Variants in GALNT1 observed in about 807,000 individuals in gnomAD.
The protein encoded by GALNT1 is GalNAc transferase 1.
A neutral mutation model predicts 65.7 loss-of-function variants in GALNT1; 17 were observed. The ratio of observed to expected loss-of-function variants is 0.26; its 90% CI spans 0.18 to 0.39. The LOEUF is 0.39. Among genes scored for constraint, GALNT1 ranks in the 10% least tolerant of loss-of-function variants. The pLI, the probability that GALNT1 is intolerant of heterozygous loss-of-function variation, is 1.00. For missense variants in GALNT1, 460 were observed against 672.8 expected (o/e 0.68, Z 3.50); for synonymous variants, 210 against 219.7 (o/e 0.96, Z 0.39).
In GALNT1 at chr18:35,710,526, G is replaced by A. The variant is rs11544002; in HGVS notation, c.*756G>A. The A allele has an allele frequency of 6.6e-6, 1 of 150,848 alleles. No individual in the cohort carries two copies. Among genetic ancestry groups the A allele is most frequent in the Admixed American group, 6.6e-5 (1 of 15,190 alleles). 9.3% of individuals were successfully genotyped at this position (150,848 alleles called of 1,614,324 possible). A position where few individuals can be genotyped will look rare whatever the true frequency, so the allele number is the denominator to read the frequency against. On this transcript the variant is annotated 3_prime_UTR_variant, in exon 12 of 12. Coordinates refer to ENST00000269195, the MANE Select transcript of GALNT1 (RefSeq NM_020474.4). The stretch of plus-strand genomic sequence containing the variant: ...TTAATTTCTCTCTACAGTTTTTTTT[G>A]TTTGGTTTGTGGGCTGTTGGAATTG...
At position 35,692,156 on chromosome 18, in the gene GALNT1, CAG is replaced by C. The variant is rs371477180; in HGVS notation, c.1160-22_1160-21del. 1.2e-4 allele frequency: 188 copies of C among 1,585,292 alleles called. 1 individual carries two copies. The East Asian group carries it at 1.8e-3, about 15-fold the overall frequency. On this transcript the variant is annotated intron_variant, in intron 8 of 11. Coordinates refer to ENST00000269195, the MANE Select transcript of GALNT1 (RefSeq NM_020474.4). ...GTTACCTAAAACAACACTAATAATTCAGAGTCAATTATTTCTTTCAACAGGTG... is the reference window on the plus strand; with the variant it reads ...GTTACCTAAAACAACACTAATAATTCAGTCAATTATTTCTTTCAACAGGTG...
chr18:35,703,434 C>G (rs1463415214), intron 10 of GALNT1, 75 bp from the exon 11 acceptor site: 7 of 1,347,464 alleles, frequency 5.2e-6, no homozygotes, highest in Non-Finnish European at 7.3e-6. Context: ...TGTATTTTCC[C>G]TGACAGCTAA....
chr18:35,634,421 G>A (rs1750401756), intron 1 of GALNT1, among the ~76,000 whole-genome samples: 1 of 152,132 alleles, frequency 6.6e-6, no homozygotes, highest in Non-Finnish European at 1.5e-5. Flanking sequence ...TTGGCTAGAA[G>A]GACTCACATG....
intron 1 of GALNT1, among the ~76,000 whole-genome samples, chr18:35,586,409 T>C (rs960657258): frequency 6.6e-6 from 1 of 152,238 alleles, no homozygotes; most frequent in East Asian, 1.9e-4. Flanking sequence ...TAAGGTCTTT[T>C]GCAGAGCAAA....
intron 4 of GALNT1, among the ~76,000 whole-genome samples, chr18:35,680,027 G>A (rs374044862): frequency 4.0e-5 from 6 of 151,794 alleles, no homozygotes; most frequent in Non-Finnish European, 7.4e-5. Flanking sequence ...TGATCATTTC[G>A]CTTCCATGCT....
At chr18:35,615,808 A>G (rs2046776867) in intron 1 of GALNT1, among the ~76,000 whole-genome samples, 1 of 152,228 alleles carries the variant, frequency 6.6e-6, no homozygotes, top group Non-Finnish European at 1.5e-5. Flanking sequence ...GGGAAATACA[A>G]ATTAAAGCTA....
At chr18:35,657,276 G>T (rs1473066581) in intron 2 of GALNT1, among the ~76,000 whole-genome samples, 1 of 152,018 alleles carries the variant, frequency 6.6e-6, no homozygotes, top group Non-Finnish European at 1.5e-5. Flanking sequence ...TTGTATTTTA[G>T]CAGAGATGGG....
chr18:35,625,606 A>G (rs2046907109), intron 1 of GALNT1, among the ~76,000 whole-genome samples: 1 of 152,204 alleles, frequency 6.6e-6, no homozygotes, highest in Non-Finnish European at 1.5e-5. Context: ...AACAAATAGA[A>G]TGATAATTGG....
intron 3 of GALNT1, among the ~76,000 whole-genome samples, chr18:35,672,969 T>G (rs1404055517): frequency 6.6e-6 from 1 of 152,118 alleles, no homozygotes; most frequent in Non-Finnish European, 1.5e-5. Flanking sequence ...AGTTAGTAAG[T>G]GACGCAAGTG....
At chr18:35,663,192 G>A (rs999248901) in intron 2 of GALNT1, among the ~76,000 whole-genome samples, 2 of 152,182 alleles carry the variant, frequency 1.3e-5, no homozygotes, top group African/African-American at 2.4e-5. Flanking sequence ...AGGCACGTTG[G>A]AAGGAAGGCA....
At chr18:35,644,983 TC>T (rs1413401331) in intron 1 of GALNT1, among the ~76,000 whole-genome samples, 1 of 151,948 alleles carries the variant, frequency 6.6e-6, no homozygotes, top group African/African-American at 2.4e-5. Flanking sequence ...AGAGCAAGAC[TC>T]TGTCTCAAAA....
chr18:35,584,474 A>G (rs1222416823), intron 1 of GALNT1, among the ~76,000 whole-genome samples: 1 of 152,180 alleles, frequency 6.6e-6, no homozygotes, highest in African/African-American at 2.4e-5. Flanking sequence ...GCAAAGAGGG[A>G]CCAAGGCAAA....
chr18:35,703,380 T>C (rs1568037463), intron 10 of GALNT1, 129 bp from the exon 11 acceptor site: 2 of 859,284 alleles, frequency 2.3e-6, no homozygotes, highest in Non-Finnish European at 1.8e-6. Flanking sequence ...ACTTTATTCT[T>C]CATTACTTTA....
intron 9 of GALNT1, among the ~76,000 whole-genome samples, chr18:35,695,667 C>T (rs1301978454): frequency 6.6e-6 from 1 of 152,126 alleles, no homozygotes; most frequent in Non-Finnish European, 1.5e-5. Context: ...CTTGAGCTCC[C>T]TACCTCTGAA....
chr18:35,582,529 A>G (rs2046334826), intron 1 of GALNT1, among the ~76,000 whole-genome samples: 1 of 152,168 alleles, frequency 6.6e-6, no homozygotes, highest in Non-Finnish European at 1.5e-5. Flanking sequence ...CAGATTTGTG[A>G]CCTTGTCCTC....
intron 1 of GALNT1, among the ~76,000 whole-genome samples, chr18:35,630,729 C>T (rs2046994723): frequency 6.6e-6 from 1 of 152,046 alleles, no homozygotes; most frequent in Non-Finnish European, 1.5e-5. Context: ...GAGATAGAGA[C>T]ACAAAAAACC....
chr18:35,606,621 C>G (rs556663094), intron 1 of GALNT1, among the ~76,000 whole-genome samples: 1 of 152,170 alleles, frequency 6.6e-6, no homozygotes, highest in East Asian at 1.9e-4. Context: ...TAAGGTGATA[C>G]AGTCAGCATA....
intron 1 of GALNT1, among the ~76,000 whole-genome samples, chr18:35,618,439 G>A (rs1376543276): frequency 3.9e-5 from 6 of 152,030 alleles, no homozygotes; most frequent in Non-Finnish European, 7.4e-5. Context: ...AAGCTCAAGT[G>A]GAGAAATGAC....
At chr18:35,662,008 C>T (rs1209585535) in intron 2 of GALNT1, among the ~76,000 whole-genome samples, 1 of 152,080 alleles carries the variant, frequency 6.6e-6, no homozygotes, top group Non-Finnish European at 1.5e-5. Flanking sequence ...AGAACTCTGC[C>T]GGTTCCTTTT....
Sources: allele counts gnomAD v4.1 joint callset (sites outside exome capture counted in the v4.1 genomes callset), GRCh38; gene constraint gnomAD v4.1.1; transcripts MANE v1.5; gene names NCBI Gene and HGNC (gene_info 2026-07-23, HGNC 2026-07-21).